The following FN1 variants were observed in gnomAD, a reference collection of about 807,000 sequenced individuals.
FN1 encodes the protein fibronectin.
FN1 carries 106 observed loss-of-function variants against 297.3 expected under a neutral mutation model. That is an observed-to-expected ratio of 0.36 (90% confidence interval 0.30 to 0.42). FN1 has a LOEUF of 0.42. FN1 is among the 10% of genes least tolerant of loss of function. FN1 has a pLI of 1.00. For synonymous variants in FN1, 1,149 were observed against 1,152.6 expected (o/e 1.00, Z 0.06); for missense variants, 2,690 against 3,124.9 (o/e 0.86, Z 3.32).
chr2:215,420,051 C>T (rs17517509), intron 11 of FN1, among the ~76,000 whole-genome samples: 43,738 of 151,266 alleles, frequency 0.29, 7,696 homozygotes, highest in East Asian at 0.92. Context: ...TTTTGAAGGG[C>T]GGCCAAAAAA....
chr2:215,395,867 G>T (rs999618769), intron 23 of FN1, among the ~76,000 whole-genome samples: 1 of 151,972 alleles, frequency 6.6e-6, no homozygotes, highest in South Asian at 2.1e-4. Context: ...CCATTGAGAC[G>T]AGATATTAAT....
intron 6 of FN1, among the ~76,000 whole-genome samples, chr2:215,426,596 G>A (rs960035272): frequency 1.3e-5 from 2 of 152,028 alleles, no homozygotes; most frequent in Admixed American, 6.6e-5. Context: ...GATGTTCACA[G>A]ACAAAGAATC....
intron 28 of FN1, among the ~76,000 whole-genome samples, 186 bp from the exon 29 acceptor site, chr2:215,385,162 T>C (rs2058744282): frequency 6.6e-6 from 1 of 151,466 alleles, no homozygotes; most frequent in South Asian, 2.1e-4. Flanking sequence ...CCATTCAAAT[T>C]GTGATAAAAT....
chr2:215,370,497 C>A, intron 40 of FN1, 65 bp from the exon 41 acceptor site: 2 of 1,321,816 alleles, frequency 1.5e-6, no homozygotes, highest in Admixed American at 1.8e-5. Flanking sequence ...ACGGGCTCTC[C>A]TCTTACCAAT....
At chr2:215,371,058 A>C (rs2055943810) in intron 40 of FN1, among the ~76,000 whole-genome samples, 1 of 152,180 alleles carries the variant, frequency 6.6e-6, no homozygotes, top group Non-Finnish European at 1.5e-5. Flanking sequence ...TCACGAGGTC[A>C]GGAGATCGAG....
In FN1 at chr2:215,381,274, T is replaced by C; in HGVS notation, c.5165-194A>G. The C allele has an allele frequency of 4.7e-6, 3 of 632,246 alleles. No homozygotes were observed. The South Asian group carries it at 5.6e-5, about 12-fold the overall frequency. The allele number at this position is 632,246 out of a possible 1,614,324, so 39.2% of individuals were successfully genotyped here. ...AGAAAATATGCAATGTTGCATCACT[T>C]ATTAAAACATAGGTGTATGTGAGAT... is the stretch of plus-strand genomic sequence containing the variant. On this transcript the variant is annotated intron_variant, in intron 32 of 45. Coordinates refer to ENST00000354785, the MANE Select transcript of FN1 (RefSeq NM_212482.4).
Position 215,409,634 on chromosome 2 carries a change from G to A in FN1, c.2228C>T (p.Ala743Val). The A allele has an allele frequency of 6.2e-7, 1 of 1,614,044 alleles. No individual in the cohort carries two copies. The highest frequency in any genetic ancestry group is 8.5e-7 in the Non-Finnish European group (1 of 1,179,994). The change falls in exon 15 of 46, where the codon GCT becomes GTT. Residue 743 changes from alanine to valine, a missense_variant. Physicochemically the swap from Ala to Val is moderately conservative, Grantham distance 64 (BLOSUM62 0). Transcript: ENST00000354785. The stretch of plus-strand genomic sequence containing the variant: ...CCGGAATCCCGACACGGTGTCGGAA[G>A]CTGAGACCCAGGAGACCACAAAGCT... ...ASSFVVSWVS[A>V]SDTVSGFRVE...
At position 215,379,272 on chromosome 2, in the gene FN1, G is replaced by C; in HGVS notation, c.5480C>G (p.Thr1827Arg). 2 of 1,614,174 alleles carry C rather than the reference G, an allele frequency of 1.2e-6. No individual in the cohort carries two copies. The highest frequency in any genetic ancestry group is 1.7e-6 in the Non-Finnish European group (2 of 1,180,016). The stretch of plus-strand genomic sequence containing the variant: ...TGGTGTCCACTGGGCGCTCAGGCTT[G>C]TGGGTGTGACCTGAGTGAACTTCAG... Reference protein sequence around the residue: ...TDLKFTQVTPTSLSAQWTPPN... With the variant: ...TDLKFTQVTPRSLSAQWTPPN... Residue 1827 changes from threonine (T) to arginine (R), a missense_variant, in exon 34 of 46, where the codon ACA (threonine) becomes AGA (arginine). By Grantham distance (71) the Thr-to-Arg change is moderately conservative. Transcript: ENST00000354785.
intron 23 of FN1, among the ~76,000 whole-genome samples, chr2:215,395,643 T>G (rs143348756): frequency 1.3e-5 from 2 of 152,064 alleles, no homozygotes; most frequent in South Asian, 2.1e-4. Context: ...ATGAGAGACA[T>G]TCAAATAAAA....
intron 44 of FN1, among the ~76,000 whole-genome samples, chr2:215,364,083 C>G (rs1378068989): frequency 6.6e-6 from 1 of 152,198 alleles, no homozygotes; most frequent in Non-Finnish European, 1.5e-5. Context: ...CTAATTCCAG[C>G]CTACCCAGAA....
At chr2:215,361,862 T>G (rs76273235) in intron 45 of FN1, 107 bp downstream of exon 45, 7 of 961,128 alleles carry the variant, frequency 7.3e-6, no homozygotes, top group Admixed American at 3.1e-5. Flanking sequence ...TTATGAGTTG[T>G]TTTTTTTTTT....
intron 13 of FN1, among the ~76,000 whole-genome samples, chr2:215,411,745 C>T (rs932269681): frequency 1.3e-5 from 2 of 150,246 alleles, no homozygotes; most frequent in Non-Finnish European, 2.9e-5. Flanking sequence ...TGGCTCACTG[C>T]AACCTCCGCC....
chr2:215,431,092 A>G (rs2066433899), intron 4 of FN1, among the ~76,000 whole-genome samples: 1 of 152,176 alleles, frequency 6.6e-6, no homozygotes, highest in African/African-American at 2.4e-5. Context: ...CATGGACTAC[A>G]TATTTTCAGC....
In FN1 at chr2:215,434,832, T is replaced by C; in HGVS notation, c.149-8A>G. On this transcript the variant is annotated splice_polypyrimidine_tract_variant and splice_region_variant and intron_variant, in intron 1 of 45. Coordinates refer to ENST00000354785, the MANE Select transcript of FN1 (RefSeq NM_212482.4). Reference sequence around the variant, plus strand: ...CATTGTCATAACAACCGGCTGCAAATAATTGAAGGAAAACGTTACATTTGC... The same window carrying C: ...CATTGTCATAACAACCGGCTGCAAACAATTGAAGGAAAACGTTACATTTGC... 1 of 1,587,560 alleles carries C rather than the reference T, an allele frequency of 6.3e-7. No homozygotes were observed. Among genetic ancestry groups the C allele is most frequent in the Non-Finnish European group, 8.5e-7 (1 of 1,171,376 alleles).
chr2:215,404,564 T>A lies in FN1; in HGVS notation c.3078A>T (p.Gly1026=). 6.2e-7 allele frequency: 1 copy of A among 1,614,162 alleles called. No individual in the cohort carries two copies. The highest frequency in any genetic ancestry group is 8.5e-7 in the Non-Finnish European group (1 of 1,180,014). ...RWTPPRAQIT[G]YRLTVGLTRR... ...GGGTAAGGCCCACGGTCAGTCGGTA[T>A]CCTGTTATCTGGGCCCGAGGTGGAG... The change falls in exon 20 of 46, where the codon GGA becomes GGT. Residue 1026 remains glycine (G), a synonymous_variant. Coordinates refer to ENST00000354785, the MANE Select transcript of FN1 (RefSeq NM_212482.4).
chr2:215,407,516 A>C (rs530508304), intron 17 of FN1, among the ~76,000 whole-genome samples, 195 bp from the exon 18 acceptor site: 1 of 152,222 alleles, frequency 6.6e-6, no homozygotes, highest in East Asian at 1.9e-4. Flanking sequence ...AAATAAGAAC[A>C]GTCATGCGAA....
intron 14 of FN1, 58 bp from the exon 15 acceptor site, chr2:215,409,797 C>G (rs2062321514): frequency 3.1e-6 from 5 of 1,602,744 alleles, no homozygotes; most frequent in Non-Finnish European, 3.4e-6. Context: ...ATTTACCGTC[C>G]TCGTCGCCAA....
At chr2:215,365,737 GA>G in intron 42 of FN1, 107 bp from the exon 43 acceptor site, 1 of 954,762 alleles carries the variant, frequency 1.0e-6, no homozygotes, top group East Asian at 2.6e-5. Flanking sequence ...CCATGATCTG[GA>G]AAAATAGCAA....
rs1480602336 is a variant in FN1, at chr2:215,380,857, C to T, written c.5388G>A (p.Leu1796=). ...GSEYTVSVVA[L]HDDMESQPLI... ...GGGGCTGGCTCTCCATATCATCGTG[C>T]AAGGCAACCACACTGACTGTGTACT... The change falls in exon 33 of 46, where the codon TTG becomes TTA. Residue 1796 remains leucine, a synonymous_variant. Transcript: ENST00000354785. 1 of 1,613,908 alleles carries T rather than the reference C, an allele frequency of 6.2e-7. No homozygotes were observed. The highest frequency in any genetic ancestry group is 1.3e-5 in the African/African-American group (1 of 74,934).
Sources: gnomAD v4.1 joint callset for allele counts (sites outside exome capture counted in the v4.1 genomes callset) on GRCh38, gnomAD v4.1.1 for gene constraint, MANE v1.5 for transcripts, NCBI Gene and HGNC (gene_info 2026-07-23, HGNC 2026-07-21) for gene names.